Variants in AHCY observed in about 807,000 individuals in gnomAD.
AHCY encodes adenosylhomocysteinase.
A neutral mutation model predicts 45.4 loss-of-function variants in AHCY; 24 were observed. That is an observed-to-expected ratio of 0.53 (90% CI 0.38 to 0.74). The LOEUF (loss-of-function observed/expected upper bound fraction) is 0.74, where lower values mean the gene tolerates loss of function less well. Among genes scored for constraint, AHCY ranks in the 30% least tolerant of loss-of-function variants. The pLI is 0.00. For synonymous variants in AHCY, 245 were observed against 235.1 expected (o/e 1.04, Z -0.39); for missense variants, 449 against 594.1 (o/e 0.76, Z 2.54).
intron 1 of AHCY, among the ~76,000 whole-genome samples, chr20:34,296,109 G>A (rs1003800760): frequency 3.3e-5 from 5 of 152,040 alleles, no homozygotes; most frequent in Non-Finnish European, 5.9e-5. Context: ...TTTCCACCTG[G>A]AGGAACTCAT....
At position 34,281,200 on chromosome 20, in the gene AHCY, C is replaced by T. The variant is rs368321784; in HGVS notation, c.1168-35G>A. 4.3e-6 allele frequency: 7 copies of T among 1,611,262 alleles called. No homozygotes were observed. The South Asian group carries it at 6.6e-5, about 15-fold the overall frequency. On this transcript the variant is annotated intron_variant, in intron 9 of 9. Transcript: ENST00000217426. ...AACAAAGGAAGACCGGGAATCAGTG[C>T]CATTTTCTGGGACCCCTACACGCGT...
the AHCY span, chr20:34,268,973 C>G: frequency 6.3e-7 from 1 of 1,590,510 alleles, no homozygotes; most frequent in South Asian, 1.1e-5. Context: ...TCATAAAGCC[C>G]CGGCGTTTCC....
At chr20:34,256,881 G>C in the AHCY span, among the ~76,000 whole-genome samples, 1 of 151,950 alleles carries the variant, frequency 6.6e-6, no homozygotes, top group Non-Finnish European at 1.5e-5. Flanking sequence ...CCTGGGGTCA[G>C]GTGATTCTCC....
chr20:34,243,868 TC>T, the AHCY span, among the ~76,000 whole-genome samples: 2 of 151,552 alleles, frequency 1.3e-5, no homozygotes, highest in African/African-American at 4.9e-5. Flanking sequence ...ATCGAGACCA[TC>T]CTGGCTAACA....
chr20:34,303,922 C>A (rs1230856244), upstream of AHCY, among the ~76,000 whole-genome samples: 4 of 152,134 alleles, frequency 2.6e-5, no homozygotes, highest in Admixed American at 2.6e-4. Flanking sequence ...ATCTTTTGAG[C>A]CTGGAGATCG....
the AHCY span, chr20:34,260,629 C>T: frequency 1.5e-6 from 2 of 1,329,170 alleles, no homozygotes; most frequent in Non-Finnish European, 2.0e-6. Context: ...CCGCCATGGT[C>T]ACGGCTCCTT....
At chr20:34,268,578 A>T in the AHCY span, among the ~76,000 whole-genome samples, 1 of 151,980 alleles carries the variant, frequency 6.6e-6, no homozygotes, top group Non-Finnish European at 1.5e-5. Flanking sequence ...AAATAAAATA[A>T]AAATAAATTT....
chr20:34,269,167 A>T, the AHCY span: 2 of 1,522,582 alleles, frequency 1.3e-6, no homozygotes, highest in Non-Finnish European at 1.8e-6. Context: ...TCAACTGCTG[A>T]GCGCCCCCAC....
the AHCY span, among the ~76,000 whole-genome samples, chr20:34,253,442 TTTTATTTTATTTATTTATTTATTTA>T: frequency 9.5e-6 from 1 of 105,130 alleles, no homozygotes; most frequent in African/African-American, 5.7e-5. Context: ...CTTATTTTTA[TTTTATTTTATTTATTTATTTATTTA>T]TTTATTTATT....
intron 8 of AHCY, chr20:34,285,936 TA>T (rs767270185): frequency 0.012 from 3,792 of 310,850 alleles, no homozygotes; most frequent in South Asian, 0.02. Flanking sequence ...CCGTCTCTAC[TA>T]AAAAAAAAAT....
chr20:34,262,755 C>T, the AHCY span: 1 of 1,537,902 alleles, frequency 6.5e-7, no homozygotes, highest in East Asian at 2.3e-5. Flanking sequence ...TCCCAAGCCC[C>T]CTCTGCCCCT....
chr20:34,267,900 A>G, the AHCY span, among the ~76,000 whole-genome samples: 2 of 152,126 alleles, frequency 1.3e-5, no homozygotes, highest in African/African-American at 4.8e-5. Flanking sequence ...TGTATTCAAA[A>G]TGTTAACATT....
intron 1 of AHCY, among the ~76,000 whole-genome samples, chr20:34,309,920 G>A (rs1255509289): frequency 6.6e-6 from 1 of 150,650 alleles, no homozygotes; most frequent in African/African-American, 2.4e-5. Flanking sequence ...AAGGAAAGAA[G>A]GAAGGAAGGA....
chr20:34,282,545 T>C (rs1443005103), intron 9 of AHCY, among the ~76,000 whole-genome samples: 2 of 152,204 alleles, frequency 1.3e-5, no homozygotes, highest in East Asian at 3.8e-4. Context: ...CTGGTTTGAA[T>C]AGTGTTTCTA....
rs143586889 is a variant in AHCY, at chr20:34,290,385, C to G, written c.919G>C (p.Asp307His). ...GCGTTCTCGTTGAGCCACTTGACAT[C>G]GATCTCCACGTCAAAGTGTCCAATG... Reference protein sequence around the residue: ...CNIGHFDVEIDVKWLNENAVE... With the variant: ...CNIGHFDVEIHVKWLNENAVE... Residue 307 changes from aspartate to histidine, a missense_variant, in exon 8 of 10, where the codon GAT becomes CAT. Physicochemically the swap from Asp to His is moderately conservative, Grantham distance 81 (BLOSUM62 -1). Transcript: ENST00000217426. This position sits in a 1 kb window ranked among gnomAD's most constrained non-coding sequence, Gnocchi z 4.5. 1.9e-6 allele frequency: 3 copies of G among 1,614,084 alleles called. No individual in the cohort carries two copies. The highest frequency in any genetic ancestry group is 3.3e-5 in the Admixed American group (2 of 60,020).
At chr20:34,279,143 G>A (rs1601630376), downstream of AHCY, among the ~76,000 whole-genome samples, 1 of 149,156 alleles carries the variant, frequency 6.7e-6, no homozygotes, top group South Asian at 2.1e-4. Context: ...GGCCAGGCAC[G>A]GTGGCTCACG....
intron 3 of AHCY, among the ~76,000 whole-genome samples, chr20:34,293,199 C>T (rs560007696): frequency 5.3e-5 from 8 of 152,180 alleles, no homozygotes; most frequent in Admixed American, 3.9e-4. Flanking sequence ...GGAGCTAAGA[C>T]GCACTTGGGC....
chr20:34,232,940 G>C, the AHCY span, among the ~76,000 whole-genome samples: 1 of 152,164 alleles, frequency 6.6e-6, no homozygotes, highest in Non-Finnish European at 1.5e-5. Context: ...GGGACATAGA[G>C]AACATTAACT....
Position 34,295,581 on chromosome 20 carries a change from G to A in AHCY, c.33C>T (p.Asp11=). Residue 11 remains aspartate, a synonymous_variant, in exon 2 of 10, where the codon GAC becomes GAT. Transcript: ENST00000217426. ...TGCGTCCCCAGGCAGCCAGGCCGAT[G>A]TCGGCTACGGGAGGAAACAGGTGGG... MSDKLPYKVA[D]IGLAAWGRKA... 2 of 1,613,996 alleles carry A rather than the reference G, an allele frequency of 1.2e-6. No individual in the cohort carries two copies. Among genetic ancestry groups the A allele is most frequent in the Non-Finnish European group, 1.7e-6 (2 of 1,179,968 alleles).
Sources: gnomAD v4.1 joint callset for allele counts (sites outside exome capture counted in the v4.1 genomes callset) on GRCh38, gnomAD v4.1.1 for gene constraint, Gnocchi (gnomAD v3.1) non-coding constraint, MANE v1.5 for transcripts, NCBI Gene and HGNC (gene_info 2026-07-23, HGNC 2026-07-21) for gene names.